The following CDKL4 variants were observed in gnomAD, a reference collection of about 807,000 sequenced individuals.
CDKL4 encodes cyclin dependent kinase like 4, also known as cyclin-dependent kinase-like 4.
CDKL4 carries 44 observed loss-of-function variants against 42.0 expected under a neutral mutation model. The observed-to-expected ratio is 1.05, with a 90% confidence interval of 0.82 to 1.35. The LOEUF (loss-of-function observed/expected upper bound fraction) is 1.35. Among genes scored for constraint, CDKL4 ranks in the 40% most tolerant of loss-of-function variants. The pLI is 0.00. For synonymous variants in CDKL4, 120 were observed against 121.6 expected (o/e 0.99, Z 0.09); for missense variants, 393 against 369.9 (o/e 1.06, Z -0.51).
intron 1 of CDKL4, among the ~76,000 whole-genome samples, chr2:39,239,808 G>A (rs566601277): frequency 2.6e-5 from 4 of 152,286 alleles, no homozygotes; most frequent in Non-Finnish European, 5.9e-5. Context: ...TTAAACATAG[G>A]GCCAGGCATG....
At chr2:39,185,577 C>T (rs1675786927) in intron 7 of CDKL4, among the ~76,000 whole-genome samples, 1 of 150,356 alleles carries the variant, frequency 6.7e-6, no homozygotes. Context: ...ATTCTCCTGC[C>T]TCAGTCTCCC....
chr2:39,209,955 G>A (rs1677490300), intron 4 of CDKL4, among the ~76,000 whole-genome samples: 1 of 152,094 alleles, frequency 6.6e-6, no homozygotes, highest in African/African-American at 2.4e-5. Flanking sequence ...AAAATGAGAA[G>A]TAATTTCCAT....
chr2:39,171,070 C>T (rs1402198438), downstream of CDKL4, among the ~76,000 whole-genome samples: 2 of 151,922 alleles, frequency 1.3e-5, no homozygotes, highest in South Asian at 2.1e-4. Flanking sequence ...GAAACCCCAT[C>T]TCTACTAAAA....
chr2:39,181,332 A>G (rs1259362919), intron 8 of CDKL4, among the ~76,000 whole-genome samples: 1 of 152,118 alleles, frequency 6.6e-6, no homozygotes, highest in East Asian at 1.9e-4. Flanking sequence ...TCAAGGCCAA[A>G]TCCTAGCCAC....
chr2:39,235,817 A>G (rs780222709), intron 1 of CDKL4, among the ~76,000 whole-genome samples: 5 of 152,152 alleles, frequency 3.3e-5, no homozygotes, highest in Non-Finnish European at 7.4e-5. Context: ...ATTACCTAGA[A>G]TGTTAAGTTT....
chr2:39,206,342 A>G (rs981532810), intron 4 of CDKL4, among the ~76,000 whole-genome samples: 2 of 152,272 alleles, frequency 1.3e-5, no homozygotes, highest in East Asian at 1.9e-4. Flanking sequence ...TCGGTCTCCC[A>G]AAGTGCTGGG....
intron 1 of CDKL4, among the ~76,000 whole-genome samples, chr2:39,242,091 G>T (rs1388493565): frequency 6.6e-6 from 1 of 151,248 alleles, no homozygotes; most frequent in Admixed American, 6.6e-5. Flanking sequence ...TGTCACTCAG[G>T]CTGGAGTGCA....
chr2:39,224,774 G>A (rs1032421429), intron 3 of CDKL4, among the ~76,000 whole-genome samples: 30 of 152,084 alleles, frequency 2.0e-4, no homozygotes, highest in Non-Finnish European at 3.7e-4. Flanking sequence ...AAAGGCATGA[G>A]ACACTGCACC....
chr2:39,192,558 G>T (rs1301280866), intron 5 of CDKL4, among the ~76,000 whole-genome samples: 2 of 146,370 alleles, frequency 1.4e-5, no homozygotes, highest in African/African-American at 5.0e-5. Flanking sequence ...TTTTTGTATA[G>T]ATAGAGGTCT....
chr2:39,221,629 G>T (rs976100337), intron 3 of CDKL4, among the ~76,000 whole-genome samples: 4 of 152,170 alleles, frequency 2.6e-5, no homozygotes, highest in African/African-American at 9.7e-5. Context: ...CAGGGCTGAC[G>T]CAACGCACTA....
At chr2:39,240,420 CAAA>C (rs1186226288) in intron 1 of CDKL4, among the ~76,000 whole-genome samples, 1 of 84,202 alleles carries the variant, frequency 1.2e-5, no homozygotes, top group African/African-American at 4.4e-5. Flanking sequence ...GACTTCGTCT[CAAA>C]AAAAAAAAAA....
intron 3 of CDKL4, among the ~76,000 whole-genome samples, chr2:39,220,585 G>C (rs571492331): frequency 2.0e-5 from 3 of 151,680 alleles, no homozygotes; most frequent in East Asian, 1.9e-4. Context: ...TCGAGATTCT[G>C]GTTTTTTTTT....
At chr2:39,181,913 C>G (rs561331852) in intron 8 of CDKL4, among the ~76,000 whole-genome samples, 2 of 152,304 alleles carry the variant, frequency 1.3e-5, no homozygotes, top group Non-Finnish European at 1.5e-5. Flanking sequence ...ACTTTATTCC[C>G]CATATATCAA....
intron 4 of CDKL4, among the ~76,000 whole-genome samples, chr2:39,207,214 A>G (rs1377180628): frequency 3.9e-5 from 6 of 151,944 alleles, no homozygotes; most frequent in Admixed American, 3.3e-4. Flanking sequence ...GGTGAAACTC[A>G]GTCTCTACAA....
chr2:39,170,277 C>CAAAAA, the CDKL4 span, among the ~76,000 whole-genome samples: 2 of 42,910 alleles, frequency 4.7e-5, no homozygotes, highest in African/African-American at 8.0e-5. Flanking sequence ...ACCCTGTCTC[C>CAAAAA]AAAAAAAAAA....
chr2:39,226,492 T>TATATAATATCTATTATATA (rs1558580675), intron 2 of CDKL4, among the ~76,000 whole-genome samples: 1 of 146,078 alleles, frequency 6.8e-6, no homozygotes, highest in Non-Finnish European at 1.5e-5. Flanking sequence ...ATATTATATA[T>TATATAATATCTATTATATA]TTTCAGCATT....
At chr2:39,217,701 ATTATTTATTTATTTATTTATTTATTTAT>A (rs145033516) in intron 3 of CDKL4, among the ~76,000 whole-genome samples, 5 of 147,726 alleles carry the variant, frequency 3.4e-5, no homozygotes, top group African/African-American at 5.0e-5. Context: ...GGCTTATTTT[ATTATTTATTTATTTATTTATTTATTTAT>A]TTATTTATTT....
chr2:39,192,234 G>A (rs1031108108), intron 5 of CDKL4, among the ~76,000 whole-genome samples: 3 of 152,160 alleles, frequency 2.0e-5, no homozygotes, highest in African/African-American at 7.2e-5. Flanking sequence ...GCTCACTGCA[G>A]AGAACATGAA....
At position 39,240,318 on chromosome 2, in the gene CDKL4, C is replaced by T. The variant is rs1362455520; in HGVS notation, c.-57+3553G>A. Among the ~76,000 whole-genome samples the T allele has an allele frequency of 3.4e-5, 5 of 147,752 alleles. No homozygotes were observed. In the East Asian group the frequency reaches 8.3e-4, roughly 25 times the overall value. On this transcript the variant is annotated intron_variant, in intron 1 of 9. Transcript: ENST00000451199. ...GTATGCACCTGTAATCCCAGGTACT[C>T]GGGAGGCAGGAGAATTGCTTGAACC...
Sources: allele counts gnomAD v4.1 joint callset (sites outside exome capture counted in the v4.1 genomes callset), GRCh38; gene constraint gnomAD v4.1.1; transcripts MANE v1.5; gene names NCBI Gene and HGNC (gene_info 2026-07-23, HGNC 2026-07-21).